The following STAU2 variants were observed in gnomAD, a reference collection of about 807,000 sequenced individuals.
STAU2 encodes the protein double-stranded RNA-binding protein Staufen homolog 2.
STAU2 carries 20 observed loss-of-function variants against 65.9 expected under a neutral mutation model. The observed-to-expected ratio is 0.30, with a 90% confidence interval of 0.21 to 0.44. The LOEUF is 0.44. Ranked by LOEUF, STAU2 falls within the 20% of genes least tolerant of loss-of-function variation. STAU2 has a pLI of 1.00. For synonymous variants in STAU2, 232 were observed against 233.9 expected (o/e 0.99, Z 0.07); for missense variants, 558 against 683.9 (o/e 0.82, Z 2.05).
intron 13 of STAU2, among the ~76,000 whole-genome samples, chr8:73,463,308 A>G (rs17219343): frequency 0.024 from 3,685 of 152,330 alleles, 55 homozygotes; most frequent in South Asian, 0.071. Context: ...CCTGCCTCGA[A>G]CTGATGAAAT....
At chr8:73,477,992 TGA>T (rs1820402662) in intron 13 of STAU2, among the ~76,000 whole-genome samples, 1 of 151,804 alleles carries the variant, frequency 6.6e-6, no homozygotes, top group Admixed American at 6.6e-5. Context: ...GTCTATTGTC[TGA>T]CACACTGAAG....
intron 13 of STAU2, among the ~76,000 whole-genome samples, chr8:73,541,906 C>A (rs1806570228): frequency 6.6e-6 from 1 of 151,780 alleles, no homozygotes; most frequent in South Asian, 2.1e-4. Context: ...ATCCAAAAGA[C>A]TAAAGAAAAA....
At position 73,421,133 on chromosome 8, in the gene STAU2, C is replaced by A; in HGVS notation, c.*239G>T. 2.5e-6 allele frequency: 1 copy of A among 404,854 alleles called. No individual in the cohort carries two copies. The highest frequency in any genetic ancestry group is 4.4e-6 in the Non-Finnish European group (1 of 229,070). The allele number at this position is 404,854 out of a possible 1,614,324, so 25.1% of individuals were successfully genotyped here. On this transcript the variant is annotated 3_prime_UTR_variant, in exon 15 of 15. Coordinates refer to ENST00000524300, the MANE Select transcript of STAU2 (RefSeq NM_001164380.2). ...CTCCAGTAGCAGGATCAGATTTCTG[C>A]TGCCTCTAGGCAAATGAGTTATGAT...
At chr8:73,440,410 A>G (rs1462051960) in intron 13 of STAU2, 1 of 151,488 alleles carries the variant, frequency 6.6e-6, no homozygotes, top group Non-Finnish European at 1.5e-5. Context: ...TCCCCAAACC[A>G]CTCTTCCCTA....
intron 13 of STAU2, among the ~76,000 whole-genome samples, chr8:73,537,877 A>T (rs1413979885): frequency 4.6e-5 from 7 of 152,210 alleles, no homozygotes; most frequent in Admixed American, 1.3e-4. Context: ...TTCTAAAAGC[A>T]TGTAGAGGAA....
chr8:73,533,733 T>C (rs1244881060), intron 13 of STAU2, among the ~76,000 whole-genome samples: 5 of 152,204 alleles, frequency 3.3e-5, no homozygotes, highest in African/African-American at 1.2e-4. Flanking sequence ...AGACCCTGTT[T>C]CTGTCTGAAT....
chr8:73,635,274 A>C (rs1814402637), intron 6 of STAU2, among the ~76,000 whole-genome samples: 1 of 152,234 alleles, frequency 6.6e-6, no homozygotes, highest in African/African-American at 2.4e-5. Flanking sequence ...AACTGTAAAA[A>C]AACAATCATC....
At chr8:73,599,588 T>C (rs16938699) in intron 10 of STAU2, among the ~76,000 whole-genome samples, 1,709 of 152,338 alleles carry the variant, frequency 0.011, 31 homozygotes, top group African/African-American at 0.038. Context: ...TTTTCAGCTA[T>C]ACAGCATGAT....
At chr8:73,741,230 G>A (rs550341934) in intron 1 of STAU2, among the ~76,000 whole-genome samples, 82 of 144,446 alleles carry the variant, frequency 5.7e-4, no homozygotes, top group African/African-American at 1.9e-3. Flanking sequence ...GCGTGAACCC[G>A]GGAGGCGGAG....
chr8:73,545,084 T>C (rs796592821), intron 13 of STAU2, among the ~76,000 whole-genome samples: 8 of 152,356 alleles, frequency 5.3e-5, no homozygotes, highest in African/African-American at 1.7e-4. Flanking sequence ...CGGGATGGCA[T>C]TCTATGGGCA....
intron 13 of STAU2, chr8:73,527,557 A>C: frequency 2.0e-6 from 1 of 488,750 alleles, no homozygotes; most frequent in Non-Finnish European, 3.5e-6. Context: ...TGATTTTTCA[A>C]GTCTAGCAGA....
At chr8:73,692,825 T>C (rs1384424304) in intron 4 of STAU2, among the ~76,000 whole-genome samples, 1 of 152,164 alleles carries the variant, frequency 6.6e-6, no homozygotes, top group Non-Finnish European at 1.5e-5. Flanking sequence ...ATTGCAGAAT[T>C]CGCTGGCGTG....
chr8:73,732,144 C>T (rs532606982), intron 3 of STAU2, among the ~76,000 whole-genome samples: 2 of 152,236 alleles, frequency 1.3e-5, no homozygotes, highest in Non-Finnish European at 2.9e-5. Flanking sequence ...CAAGAAGGCT[C>T]GTTCACATGC....
chr8:73,703,088 T>C (rs1414264198), intron 4 of STAU2, among the ~76,000 whole-genome samples: 1 of 152,186 alleles, frequency 6.6e-6, no homozygotes, highest in Non-Finnish European at 1.5e-5. Context: ...GTAATATATG[T>C]CTGATATGGT....
At chr8:73,440,116 TTCC>T (rs1041961132) in intron 13 of STAU2, 2 of 152,268 alleles carry the variant, frequency 1.3e-5, no homozygotes, top group African/African-American at 4.8e-5. Context: ...CATCTTGCTT[TTCC>T]TCCTACTTCA....
At chr8:73,706,675 C>T (rs1238442370) in intron 4 of STAU2, among the ~76,000 whole-genome samples, 1 of 152,078 alleles carries the variant, frequency 6.6e-6, no homozygotes, top group African/African-American at 2.4e-5. Flanking sequence ...TAAAAATAAG[C>T]AAGCTACAGG....
intron 3 of STAU2, among the ~76,000 whole-genome samples, chr8:73,722,713 C>T (rs1261150735): frequency 6.6e-6 from 1 of 152,166 alleles, no homozygotes; most frequent in Non-Finnish European, 1.5e-5. Context: ...TTGCTTTCAA[C>T]AATTTGATTA....
intron 13 of STAU2, among the ~76,000 whole-genome samples, chr8:73,427,842 C>T (rs1816939378): frequency 6.6e-6 from 1 of 152,200 alleles, no homozygotes; most frequent in African/African-American, 2.4e-5. Context: ...TACTTTTCTT[C>T]TGAGCCATTA....
At chr8:73,426,105 A>G (rs1816803928) in intron 13 of STAU2, among the ~76,000 whole-genome samples, 2 of 152,042 alleles carry the variant, frequency 1.3e-5, no homozygotes, top group East Asian at 1.9e-4. Context: ...CATATCACTT[A>G]GTATCCTCTC....
Sources: allele counts gnomAD v4.1 joint callset (sites outside exome capture counted in the v4.1 genomes callset), GRCh38; gene constraint gnomAD v4.1.1; transcripts MANE v1.5; gene names NCBI Gene and HGNC (gene_info 2026-07-23, HGNC 2026-07-21).